The following IRF8 variants were observed in gnomAD, a reference collection of about 807,000 sequenced individuals.
IRF8 encodes the protein interferon regulatory factor 8, also known as interferon consensus sequence binding protein 1.
IRF8 carries 14 observed loss-of-function variants against 48.7 expected under a neutral mutation model. The observed-to-expected ratio is 0.29, with a 90% CI of 0.19 to 0.45. IRF8 has a LOEUF of 0.45. IRF8 is among the 20% of genes least tolerant of loss of function. IRF8 has a pLI of 1.00. For synonymous variants in IRF8, 278 were observed against 227.3 expected, an observed-to-expected ratio of 1.22 and a Z score of -2.01; for missense variants, 493 against 580.7, an observed-to-expected ratio of 0.85 and a Z score of 1.55.
chr16:85,900,155 G>A (rs928702922), intron 1 of IRF8, among the ~76,000 whole-genome samples: 2 of 152,148 alleles, frequency 1.3e-5, no homozygotes, highest in South Asian at 4.1e-4. Context: ...CTAGTGATGC[G>A]GGTATGCTAG....
At chr16:85,904,350 G>A (rs996465654) in intron 2 of IRF8, among the ~76,000 whole-genome samples, 8 of 152,158 alleles carry the variant, frequency 5.3e-5, no homozygotes, top group African/African-American at 1.9e-4. Flanking sequence ...TGTGGAGGGG[G>A]TCAAGGCTGT....
chr16:85,916,390 G>C (rs1202069548), intron 6 of IRF8, among the ~76,000 whole-genome samples: 2 of 152,232 alleles, frequency 1.3e-5, no homozygotes, highest in South Asian at 4.1e-4. Context: ...CAGCAAGGCT[G>C]TTCTTGTGGG....
In IRF8 at chr16:85,902,974, A is replaced by G. The variant is rs369632126; in HGVS notation, c.-1-41A>G. ...TTTGGGTTGCTGTGATGAATGAGAC[A>G]ATATCCGTAATATCACAGCGTGTAT... On this transcript the variant is annotated intron_variant, in intron 1 of 8. Transcript: ENST00000268638. 3.7e-5 allele frequency: 60 copies of G among 1,610,218 alleles called. No homozygotes were observed. In the African/African-American group the frequency reaches 5.1e-4, roughly 14 times the overall value.
chr16:85,920,955 G>A (rs1420351662), intron 8 of IRF8, 151 bp from the exon 9 acceptor site: 3 of 792,482 alleles, frequency 3.8e-6, no homozygotes, highest in East Asian at 2.7e-5. Flanking sequence ...TTTGGCAGGA[G>A]TACTGCTTGC....
chr16:85,911,545 A>C (rs1427845529), intron 3 of IRF8, 25 bp from the exon 4 acceptor site: 4 of 1,601,146 alleles, frequency 2.5e-6, no homozygotes, highest in Admixed American at 1.7e-5. Flanking sequence ...GCCATGTGTC[A>C]TGGTGTTTGT....
intron 5 of IRF8, among the ~76,000 whole-genome samples, chr16:85,913,567 A>T (rs1264365346): frequency 6.6e-6 from 1 of 152,226 alleles, no homozygotes; most frequent in Non-Finnish European, 1.5e-5. Flanking sequence ...GGGAAGATGC[A>T]GCTCTTGGCC....
At chr16:85,920,067 C>G in intron 7 of IRF8, 42 bp from the exon 8 acceptor site, 1 of 1,460,488 alleles carries the variant, frequency 6.8e-7, no homozygotes, top group Non-Finnish European at 9.6e-7. Context: ...TGGAGGTCAT[C>G]TCGGCCTTGC....
intron 2 of IRF8, among the ~76,000 whole-genome samples, chr16:85,908,100 T>C (rs1905054947): frequency 6.6e-6 from 1 of 152,380 alleles, no homozygotes; most frequent in East Asian, 1.9e-4. Context: ...CCTCTTGGAA[T>C]TGCATTTTCC....
intron 2 of IRF8, among the ~76,000 whole-genome samples, chr16:85,906,401 T>C (rs1314283623): frequency 2.0e-5 from 3 of 152,092 alleles, no homozygotes; most frequent in Non-Finnish European, 4.4e-5. Context: ...TCAAGAAGGA[T>C]CTCGAGAGAT....
rs1597257938 is a variant in IRF8 at position 85,920,367 on chromosome 16, C to T, written c.1104+143C>T. ...GTTCAAGTGATTCTCCTGCCTCAGC[C>T]TCCCGAGTTGCTGGGACTACAGGCC... On this transcript the variant is annotated intron_variant, in intron 8 of 8. Transcript: ENST00000268638. The T allele has an allele frequency of 6.2e-6, 4 of 646,822 alleles. No individual in the cohort carries two copies. The East Asian group carries it at 8.6e-5, about 14-fold the overall frequency. 40.1% of individuals were successfully genotyped at this position (646,822 alleles called of 1,614,324 possible). A position where few individuals can be genotyped will look rare whatever the true frequency, so the allele number is the denominator to read the frequency against.
At chr16:85,910,961 G>T (rs917528129) in intron 3 of IRF8, among the ~76,000 whole-genome samples, 1 of 152,232 alleles carries the variant, frequency 6.6e-6, no homozygotes, top group Non-Finnish European at 1.5e-5. Flanking sequence ...GGCATGAGAA[G>T]GGAAAGAGCA....
chr16:85,914,547 G>T, intron 6 of IRF8, 27 bp downstream of exon 6: 1 of 1,613,762 alleles, frequency 6.2e-7, no homozygotes, highest in Non-Finnish European at 8.5e-7. Context: ...GCTGAGAGGG[G>T]CGTGGGCACT....
intron 1 of IRF8, among the ~76,000 whole-genome samples, chr16:85,900,389 G>C (rs561203005): frequency 6.6e-6 from 1 of 152,330 alleles, no homozygotes; most frequent in African/African-American, 2.4e-5. Context: ...CATGTGATTA[G>C]ACTTATTAAT....
In IRF8 at chr16:85,922,256, T is replaced by C. The variant is rs964371381; in HGVS notation, c.*974T>C. ...GATTTGTGACTGTGAGAGTTTCCGG[T>C]TTAAAATCTGAAAAGCCAGATATGC... On this transcript the variant is annotated 3_prime_UTR_variant, in exon 9 of 9. Transcript: ENST00000268638. The C allele has an allele frequency of 2.0e-5, 3 of 152,338 alleles. No homozygotes were observed. The highest frequency in any genetic ancestry group is 6.5e-5 in the Admixed American group (1 of 15,284). The allele number at this position is 152,338 out of a possible 1,614,324, so 9.4% of individuals were successfully genotyped here.
At position 85,922,507 on chromosome 16, in the gene IRF8, C is replaced by T. The variant is rs1905618441; in HGVS notation, c.*1225C>T. ...TCCAATTCAAATGAATGTCAAAGCA[C>T]ATATCTTTAATATGCTGAATGAATA... On this transcript the variant is annotated 3_prime_UTR_variant, in exon 9 of 9. Coordinates refer to ENST00000268638, the MANE Select transcript of IRF8 (RefSeq NM_002163.4). The T allele has an allele frequency of 6.6e-6, 1 of 152,342 alleles. No homozygotes were observed. The highest frequency in any genetic ancestry group is 1.5e-5 in the Non-Finnish European group (1 of 68,042). The allele number at this position is 152,342 out of a possible 1,614,324, so 9.4% of individuals were successfully genotyped here.
intron 2 of IRF8, among the ~76,000 whole-genome samples, chr16:85,903,976 A>G (rs13330075): frequency 0.021 from 3,171 of 152,280 alleles, 119 homozygotes; most frequent in African/African-American, 0.073. Flanking sequence ...ATTTCTTGCC[A>G]TTACACCTAG....
intron 1 of IRF8, among the ~76,000 whole-genome samples, chr16:85,900,694 C>A (rs1034327403): frequency 2.0e-5 from 3 of 152,242 alleles, no homozygotes; most frequent in Non-Finnish European, 4.4e-5. Flanking sequence ...AGTTTTTCCT[C>A]TCTTAAATAA....
At chr16:85,917,107 C>T (rs1905335433) in intron 6 of IRF8, among the ~76,000 whole-genome samples, 1 of 152,106 alleles carries the variant, frequency 6.6e-6, no homozygotes, top group Admixed American at 6.5e-5. Context: ...GTTCTGAGTG[C>T]CCAGCAGTGT....
intron 5 of IRF8, among the ~76,000 whole-genome samples, chr16:85,913,484 G>A (rs1266518927): frequency 1.3e-5 from 2 of 151,432 alleles, no homozygotes; most frequent in East Asian, 3.9e-4. Flanking sequence ...CCTAGGTGAT[G>A]TCCATGCCAG....
Sources: gnomAD v4.1 joint callset for allele counts (sites outside exome capture counted in the v4.1 genomes callset) on GRCh38, gnomAD v4.1.1 for gene constraint, MANE v1.5 for transcripts, NCBI Gene and HGNC (gene_info 2026-07-23, HGNC 2026-07-21) for gene names.